DOCK4: variants seen among roughly 807,000 people sequenced by gnomAD.
The protein encoded by DOCK4 is dedicator of cytokinesis protein 4.
DOCK4 carries 97 observed loss-of-function variants against 268.1 expected under a neutral mutation model. The observed-to-expected ratio is 0.36, with a 90% CI of 0.31 to 0.43. The LOEUF (loss-of-function observed/expected upper bound fraction) is 0.43. DOCK4 is among the 20% of genes least tolerant of loss of function. The pLI is 1.00. For missense variants in DOCK4, 2,145 were observed against 2,455.7 expected, an observed-to-expected ratio of 0.87 and a Z score of 2.67; for synonymous variants, 954 against 887.2, an observed-to-expected ratio of 1.08 and a Z score of -1.34.
At position 112,066,725 on chromosome 7, in the gene DOCK4, A is replaced by G. The variant is rs1465584830; in HGVS notation, c.38-62594T>C. ...TATATATATATATATATATATATAT[A>G]TATATATATATATATATCTCCTATT... is the stretch of plus-strand genomic sequence containing the variant. On this transcript the variant is annotated intron_variant, in intron 1 of 52. Coordinates refer to ENST00000428084, the MANE Select transcript of DOCK4 (RefSeq NM_001363540.2). Among the ~76,000 whole-genome samples the G allele has an allele frequency of 2.2e-3, 163 of 73,882 alleles. 8 individuals carry two copies. Among genetic ancestry groups the G allele is most frequent in the African/African-American group, 7.6e-3 (152 of 19,870 alleles). The allele number at this position is 73,882 out of a possible 152,430, so 48.5% of individuals were successfully genotyped here.
intron 1 of DOCK4, among the ~76,000 whole-genome samples, chr7:112,066,709 A>ATGTGTGTGTG (rs1563052365): frequency 1.3e-5 from 1 of 77,830 alleles, no homozygotes; most frequent in African/African-American, 5.6e-5. Context: ...ATATATATAT[A>ATGTGTGTGTG]TATATATATA....
chr7:111,768,839 A>G (rs1585926265), intron 37 of DOCK4, among the ~76,000 whole-genome samples: 2 of 152,206 alleles, frequency 1.3e-5, no homozygotes, highest in Admixed American at 1.3e-4. Flanking sequence ...AGAGAATACA[A>G]TATCTGCGTG....
chr7:111,958,835 T>C (rs2134957449), intron 8 of DOCK4, among the ~76,000 whole-genome samples: 1 of 152,326 alleles, frequency 6.6e-6, no homozygotes, highest in South Asian at 2.1e-4. Context: ...GCTCTCAGTA[T>C]GAATAAAGCA....
intron 1 of DOCK4, among the ~76,000 whole-genome samples, chr7:112,123,119 C>T (rs1349661176): frequency 2.0e-5 from 3 of 152,068 alleles, no homozygotes; most frequent in Admixed American, 6.6e-5. Context: ...AAAGGGATTG[C>T]GAGGGAGAAT....
intron 26 of DOCK4, among the ~76,000 whole-genome samples, chr7:111,831,605 C>T (rs978010208): frequency 2.6e-5 from 4 of 152,000 alleles, no homozygotes; most frequent in African/African-American, 9.7e-5. Flanking sequence ...CCATCTGACC[C>T]TCTTGAGTAG....
chr7:111,859,598 C>T (rs936723953), intron 23 of DOCK4, among the ~76,000 whole-genome samples: 6 of 133,630 alleles, frequency 4.5e-5, no homozygotes, highest in African/African-American at 8.6e-5. Context: ...GGCGGAGTCT[C>T]GCTCTGTCGC....
chr7:112,069,418 T>C (rs970308058), intron 1 of DOCK4, among the ~76,000 whole-genome samples: 8 of 152,196 alleles, frequency 5.3e-5, no homozygotes, highest in Admixed American at 3.9e-4. Flanking sequence ...TGTTACTAGA[T>C]AGGACTCTAC....
At chr7:111,933,214 A>ATATACGTATATACACG (rs1794377022) in intron 12 of DOCK4, among the ~76,000 whole-genome samples, 1 of 143,560 alleles carries the variant, frequency 7.0e-6, no homozygotes, top group African/African-American at 2.6e-5. Flanking sequence ...GTATATACAC[A>ATATACGTATATACACG]TATATACGTA....
intron 8 of DOCK4, among the ~76,000 whole-genome samples, chr7:111,963,613 G>T (rs1489859998): frequency 1.4e-4 from 1 of 6,934 alleles, no homozygotes. Context: ...ACTGCAAGGC[G>T]GCAACGAGGC....
chr7:111,837,155 A>G (rs1803301160), intron 25 of DOCK4, among the ~76,000 whole-genome samples: 1 of 152,126 alleles, frequency 6.6e-6, no homozygotes, highest in Admixed American at 6.5e-5. Context: ...GGCACATTAC[A>G]TAGAGAAGAA....
chr7:112,042,316 A>G (rs548428023), intron 1 of DOCK4, among the ~76,000 whole-genome samples: 17 of 152,194 alleles, frequency 1.1e-4, no homozygotes, highest in Middle Eastern at 3.2e-3. Context: ...AGACGAAGAC[A>G]TTGTGCTCCA....
At chr7:112,198,129 G>A (rs1264295686) in intron 1 of DOCK4, among the ~76,000 whole-genome samples, 2 of 152,086 alleles carry the variant, frequency 1.3e-5, no homozygotes, top group Non-Finnish European at 1.5e-5. Context: ...GATGGTATTT[G>A]GAGATGGGGG....
intron 13 of DOCK4, among the ~76,000 whole-genome samples, chr7:111,913,279 T>C (rs891010268): frequency 5.9e-5 from 9 of 151,734 alleles, no homozygotes; most frequent in Non-Finnish European, 1.0e-4. Flanking sequence ...CCTTTTAACA[T>C]TGGAGGTGGG....
chr7:111,937,150 C>A (rs930567571), intron 11 of DOCK4, among the ~76,000 whole-genome samples: 14 of 152,136 alleles, frequency 9.2e-5, no homozygotes, highest in Admixed American at 6.5e-5. Context: ...AAGTATGTGA[C>A]TAAAGTATCT....
At chr7:111,746,096 T>C (rs1469358586) in intron 44 of DOCK4, among the ~76,000 whole-genome samples, 1 of 152,220 alleles carries the variant, frequency 6.6e-6, no homozygotes, top group Non-Finnish European at 1.5e-5. Flanking sequence ...GTATTTTGGA[T>C]AAAGGATACT....
At chr7:111,799,621 G>C (rs531618519) in intron 30 of DOCK4, among the ~76,000 whole-genome samples, 1 of 152,260 alleles carries the variant, frequency 6.6e-6, no homozygotes, top group East Asian at 1.9e-4. Flanking sequence ...AAACATAAAT[G>C]TGAAGAAACA....
intron 1 of DOCK4, among the ~76,000 whole-genome samples, chr7:112,162,503 C>CTCTT (rs1243339555): frequency 6.4e-5 from 8 of 125,698 alleles, no homozygotes; most frequent in Non-Finnish European, 1.2e-4. Context: ...GTCTGTCTGT[C>CTCTT]TCTTTCTTTC....
intron 26 of DOCK4, among the ~76,000 whole-genome samples, chr7:111,826,814 C>T (rs1040459837): frequency 2.0e-5 from 3 of 152,064 alleles, no homozygotes; most frequent in Admixed American, 6.6e-5. Context: ...TCAACTGGGG[C>T]CCAAACCTCA....
At chr7:111,849,901 T>C (rs894131707) in intron 23 of DOCK4, among the ~76,000 whole-genome samples, 3 of 152,162 alleles carry the variant, frequency 2.0e-5, no homozygotes, top group African/African-American at 7.2e-5. Flanking sequence ...CTGAGTCTTC[T>C]GAGGTTCTGT....
Sources: gnomAD v4.1 joint callset for allele counts (sites outside exome capture counted in the v4.1 genomes callset) on GRCh38, gnomAD v4.1.1 for gene constraint, MANE v1.5 for transcripts, NCBI Gene and HGNC (gene_info 2026-07-23, HGNC 2026-07-21) for gene names.